The following CCBE1 variants were observed in gnomAD, a reference collection of about 807,000 sequenced individuals.
CCBE1 encodes collagen and calcium-binding EGF domain-containing protein 1.
CCBE1 carries 37 observed loss-of-function variants against 50.0 expected under a neutral mutation model. The observed-to-expected ratio is 0.74, with a 90% CI of 0.57 to 0.97. The LOEUF (loss-of-function observed/expected upper bound fraction) is 0.97. Ranked by LOEUF, CCBE1 falls within the 50% of genes least tolerant of loss-of-function variation. The pLI is 0.00. For synonymous variants in CCBE1, 234 were observed against 203.7 expected (o/e 1.15, Z -1.27); for missense variants, 538 against 523.8 (o/e 1.03, Z -0.26).
At chr18:59,506,287 A>G (rs1419167997) in intron 2 of CCBE1, among the ~76,000 whole-genome samples, 1 of 152,222 alleles carries the variant, frequency 6.6e-6, no homozygotes, top group Non-Finnish European at 1.5e-5. Context: ...GGACAGAGGC[A>G]TGGACCAGTT....
At chr18:59,645,899 C>T (rs142607663) in intron 2 of CCBE1, among the ~76,000 whole-genome samples, 4,075 of 152,094 alleles carry the variant, frequency 0.027, 179 homozygotes, top group African/African-American at 0.093. Context: ...GGTGTGGTGG[C>T]GGGTGCCTGT....
chr18:59,660,041 G>A (rs2054261060), intron 2 of CCBE1, among the ~76,000 whole-genome samples: 1 of 151,992 alleles, frequency 6.6e-6, no homozygotes, highest in South Asian at 2.1e-4. Context: ...TAGTTCTCCA[G>A]ACACACTTCA....
intron 2 of CCBE1, among the ~76,000 whole-genome samples, chr18:59,676,974 A>G (rs2054513370): frequency 6.6e-6 from 1 of 151,628 alleles, no homozygotes; most frequent in Admixed American, 6.6e-5. Context: ...ATAGTGTAGG[A>G]TGAAGGTGGA....
chr18:59,613,637 C>T (rs2851838), intron 2 of CCBE1, among the ~76,000 whole-genome samples: 22,678 of 151,860 alleles, frequency 0.15, 2,430 homozygotes, highest in African/African-American at 0.3. Context: ...CAGTGGCTCA[C>T]GCCTGTAATC....
At position 59,597,130 on chromosome 18, in the gene CCBE1, C is replaced by G. The variant is rs1224223855; in HGVS notation, c.212+99499G>C. Among the ~76,000 whole-genome samples, 7 of 152,348 alleles carry G rather than the reference C, an allele frequency of 4.6e-5. No homozygotes were observed. The South Asian group carries it at 8.3e-4, about 18-fold the overall frequency. On this transcript the variant is annotated intron_variant, in intron 2 of 10. Transcript: ENST00000439986. ...TTATGAGCCTGGCTCTGTGATCAGG[C>G]TAGGGGCTTAAATCTCAGCTCTGCC... is the stretch of plus-strand genomic sequence containing the variant.
intron 2 of CCBE1, among the ~76,000 whole-genome samples, chr18:59,678,490 T>C (rs181365010): frequency 1.1e-3 from 166 of 152,328 alleles, no homozygotes; most frequent in African/African-American, 3.8e-3. Context: ...AGACTATGAC[T>C]AGATACCTTT....
intron 2 of CCBE1, among the ~76,000 whole-genome samples, chr18:59,555,959 C>T (rs1027254838): frequency 2.0e-5 from 3 of 152,172 alleles, no homozygotes; most frequent in South Asian, 2.1e-4. Flanking sequence ...GGAAGCTGTG[C>T]TATATGTAGC....
chr18:59,545,184 G>A (rs917605064), intron 2 of CCBE1, among the ~76,000 whole-genome samples: 2 of 152,046 alleles, frequency 1.3e-5, no homozygotes, highest in African/African-American at 4.8e-5. Context: ...TCTCTTATAC[G>A]GTATCTCGCT....
At chr18:59,662,684 T>C (rs931324911) in intron 2 of CCBE1, among the ~76,000 whole-genome samples, 1 of 152,164 alleles carries the variant, frequency 6.6e-6, no homozygotes, top group Non-Finnish European at 1.5e-5. Flanking sequence ...CTAAGCCCAG[T>C]CATAAAGTGC....
intron 2 of CCBE1, among the ~76,000 whole-genome samples, chr18:59,493,668 G>T (rs558906168): frequency 6.6e-6 from 1 of 152,120 alleles, no homozygotes; most frequent in South Asian, 2.1e-4. Context: ...CCTGAACTGC[G>T]TGTTACAGGA....
intron 2 of CCBE1, among the ~76,000 whole-genome samples, chr18:59,496,615 T>C (rs953852652): frequency 6.6e-6 from 1 of 152,210 alleles, no homozygotes; most frequent in African/African-American, 2.4e-5. Context: ...TTCTGCCTAA[T>C]GGGACTGAAA....
At chr18:59,615,866 A>G (rs2053630236) in intron 2 of CCBE1, among the ~76,000 whole-genome samples, 1 of 152,228 alleles carries the variant, frequency 6.6e-6, no homozygotes, top group Non-Finnish European at 1.5e-5. Context: ...AAGAAGGTTG[A>G]AAGTAAGCAA....
chr18:59,462,686 A>ATT (rs11461782), intron 5 of CCBE1, among the ~76,000 whole-genome samples: 1,850 of 149,640 alleles, frequency 0.012, 28 homozygotes, highest in African/African-American at 0.034. Context: ...ACCTGACCTA[A>ATT]TTTTTTTTTT....
rs1188649555 is a variant in CCBE1 at position 59,432,565 on chromosome 18, TG to T, written c.*3342del. 1 of 152,186 alleles carries T rather than the reference TG, an allele frequency of 6.6e-6. No individual in the cohort carries two copies. Among genetic ancestry groups the T allele is most frequent in the Non-Finnish European group, 1.5e-5 (1 of 68,014 alleles). The allele number at this position is 152,186 out of a possible 1,614,324, so 9.4% of individuals were successfully genotyped here. ...ATGATGCCTTATGATGTCCTATCTT[TG>T]AAAAATATGATTTGGGCATAAAAAG... On this transcript the variant is annotated 3_prime_UTR_variant, in exon 11 of 11. Transcript: ENST00000439986.
At chr18:59,581,558 T>C (rs1160215669) in intron 2 of CCBE1, among the ~76,000 whole-genome samples, 3 of 152,118 alleles carry the variant, frequency 2.0e-5, no homozygotes, top group African/African-American at 4.8e-5. Flanking sequence ...ATAAAGCACA[T>C]TCTCATCTTC....
At chr18:59,664,414 G>A (rs996785853) in intron 2 of CCBE1, among the ~76,000 whole-genome samples, 70 of 152,214 alleles carry the variant, frequency 4.6e-4, no homozygotes, top group African/African-American at 1.7e-3. Flanking sequence ...AAGTAAATGG[G>A]AACAGAAGAG....
At chr18:59,676,022 G>A (rs745553289) in intron 2 of CCBE1, among the ~76,000 whole-genome samples, 5 of 152,160 alleles carry the variant, frequency 3.3e-5, no homozygotes, top group African/African-American at 4.8e-5. Context: ...GCAAACAGTG[G>A]CAAAAACAGC....
At chr18:59,667,093 G>A (rs1372721070) in intron 2 of CCBE1, among the ~76,000 whole-genome samples, 2 of 152,030 alleles carry the variant, frequency 1.3e-5, no homozygotes, top group African/African-American at 4.8e-5. Flanking sequence ...GGGCAACATA[G>A]TGAAACCCTG....
At chr18:59,593,506 T>C (rs1436871831) in intron 2 of CCBE1, among the ~76,000 whole-genome samples, 7 of 152,252 alleles carry the variant, frequency 4.6e-5, no homozygotes, top group Admixed American at 4.6e-4. Flanking sequence ...TTTTAGATTA[T>C]CTCCATTGCC....
Sources: allele counts gnomAD v4.1 joint callset (sites outside exome capture counted in the v4.1 genomes callset), GRCh38; gene constraint gnomAD v4.1.1; transcripts MANE v1.5; gene names NCBI Gene and HGNC (gene_info 2026-07-23, HGNC 2026-07-21).